The following LRMDA variants were observed in gnomAD, a reference collection of about 807,000 sequenced individuals.
LRMDA encodes leucine rich melanocyte differentiation associated.
A neutral mutation model predicts 29.8 loss-of-function variants in LRMDA; 18 were observed. That is an observed-to-expected ratio of 0.60 (90% CI 0.42 to 0.90). LRMDA has a LOEUF of 0.90. Ranked by LOEUF, LRMDA falls within the 40% of genes least tolerant of loss-of-function variation. The pLI, the probability that LRMDA is intolerant of heterozygous loss-of-function variation, is 0.00. For synonymous variants in LRMDA, 125 were observed against 109.4 expected, an observed-to-expected ratio of 1.14 and a Z score of -0.89; for missense variants, 273 against 273.9, an observed-to-expected ratio of 1.00 and a Z score of 0.02.
chr10:76,467,968 C>T (rs180852251), intron 6 of LRMDA, among the ~76,000 whole-genome samples: 15 of 152,270 alleles, frequency 9.9e-5, no homozygotes, highest in Admixed American at 7.9e-4. Flanking sequence ...TGATTCAGAG[C>T]GTTTACATAA....
At chr10:75,431,804 A>T in intron 1 of LRMDA, 50 bp downstream of exon 1, 6 of 1,310,508 alleles carry the variant, frequency 4.6e-6, no homozygotes, top group Non-Finnish European at 5.8e-6. Context: ...CCGCGTGGGG[A>T]GGGACAGCGG....
intron 1 of LRMDA, among the ~76,000 whole-genome samples, chr10:75,433,542 TTTTGTTTG>T (rs556877972): frequency 1.1e-4 from 16 of 152,180 alleles, no homozygotes; most frequent in East Asian, 5.8e-4. Flanking sequence ...GAGGTGGTTT[TTTTGTTTG>T]TTTGTTTGTT....
At position 76,211,470 on chromosome 10, in the gene LRMDA, A is replaced by G. The variant is rs150597497; in HGVS notation, c.517-112931A>G. On this transcript the variant is annotated intron_variant, in intron 5 of 6. Coordinates refer to ENST00000611255, the MANE Select transcript of LRMDA (RefSeq NM_001305581.2). ...CTCAAGAAGTCTTACTACACATCCA[A>G]TAGCATTTGACAGGGAGTTAGCCAC... 2.0e-4 allele frequency among the ~76,000 whole-genome samples: 30 copies of G among 152,346 alleles called. 1 individual carries two copies. The highest frequency in any genetic ancestry group is 7.0e-4 in the African/African-American group (29 of 41,580).
At chr10:76,543,127 A>G (rs1843377334) in intron 6 of LRMDA, among the ~76,000 whole-genome samples, 1 of 152,142 alleles carries the variant, frequency 6.6e-6, no homozygotes, top group Non-Finnish European at 1.5e-5. Flanking sequence ...TAAAATGCCA[A>G]TAGCAAGGAA....
intron 2 of LRMDA, among the ~76,000 whole-genome samples, chr10:75,892,632 G>C (rs1022399932): frequency 6.6e-6 from 1 of 152,114 alleles, no homozygotes. Flanking sequence ...GCTATGGAAG[G>C]ATGGTAATAG....
chr10:76,019,131 C>T (rs996747149), intron 2 of LRMDA, among the ~76,000 whole-genome samples: 1 of 152,034 alleles, frequency 6.6e-6, no homozygotes, highest in Non-Finnish European at 1.5e-5. Context: ...GTCATCTTAC[C>T]CTCGGGCCGG....
intron 2 of LRMDA, among the ~76,000 whole-genome samples, chr10:75,675,290 T>A (rs1318327622): frequency 6.6e-6 from 1 of 152,230 alleles, no homozygotes; most frequent in Non-Finnish European, 1.5e-5. Flanking sequence ...TTCTCTGTTG[T>A]GAGGTGTTGC....
chr10:75,618,392 A>C lies in LRMDA; in HGVS notation c.131+179898A>C, dbSNP rs999387029. 7.5e-3 allele frequency among the ~76,000 whole-genome samples: 1,072 copies of C among 142,752 alleles called. 9 individuals carry two copies. Among genetic ancestry groups the C allele is most frequent in the African/African-American group, 0.026 (1,017 of 39,036 alleles). 93.7% of individuals were successfully genotyped at this position (142,752 alleles called of 152,430 possible). ...TCTCTCTCTCTCTCTCTATATATAT[A>C]TATATATATATATATCAGACTATAT... On this transcript the variant is annotated intron_variant, in intron 2 of 6. Coordinates refer to ENST00000611255, the MANE Select transcript of LRMDA (RefSeq NM_001305581.2).
At chr10:75,710,923 A>C (rs1842428064) in intron 2 of LRMDA, among the ~76,000 whole-genome samples, 1 of 152,246 alleles carries the variant, frequency 6.6e-6, no homozygotes, top group Non-Finnish European at 1.5e-5. Context: ...ATCTGAGTGA[A>C]TGCTTAGTCC....
At chr10:76,030,329 GTATA>G (rs1589295219) in intron 2 of LRMDA, among the ~76,000 whole-genome samples, 1 of 151,960 alleles carries the variant, frequency 6.6e-6, no homozygotes, top group East Asian at 1.9e-4. Context: ...TCTACATACT[GTATA>G]TAGTAATATA....
intron 5 of LRMDA, among the ~76,000 whole-genome samples, chr10:76,112,124 C>T (rs1198963337): frequency 2.0e-5 from 3 of 152,148 alleles, no homozygotes; most frequent in East Asian, 3.9e-4. Context: ...CATGAGCGAG[C>T]AAGGGAGCAG....
At chr10:76,296,181 G>T (rs1257564030) in intron 5 of LRMDA, among the ~76,000 whole-genome samples, 2 of 152,190 alleles carry the variant, frequency 1.3e-5, no homozygotes, top group Non-Finnish European at 2.9e-5. Context: ...GTATCTAAAG[G>T]ATAGGGCATC....
At chr10:75,888,110 T>C (rs1845420944) in intron 2 of LRMDA, among the ~76,000 whole-genome samples, 1 of 152,204 alleles carries the variant, frequency 6.6e-6, no homozygotes, top group Non-Finnish European at 1.5e-5. Context: ...ACACTTTTAG[T>C]TCACTCCTGT....
chr10:75,731,268 C>T (rs1842693469), intron 2 of LRMDA, among the ~76,000 whole-genome samples: 1 of 152,230 alleles, frequency 6.6e-6, no homozygotes, highest in Non-Finnish European at 1.5e-5. Flanking sequence ...TCAAGGACAA[C>T]ACCTGCCTTT....
chr10:75,990,154 C>T (rs970847147), intron 2 of LRMDA, among the ~76,000 whole-genome samples: 26 of 152,168 alleles, frequency 1.7e-4, no homozygotes, highest in African/African-American at 4.1e-4. Flanking sequence ...TTTGATTTAT[C>T]GGGGAGAGGT....
intron 2 of LRMDA, among the ~76,000 whole-genome samples, chr10:75,769,853 C>T (rs1843216619): frequency 6.6e-6 from 1 of 152,136 alleles, no homozygotes; most frequent in Admixed American, 6.5e-5. Context: ...CATGGTGGCA[C>T]ATGTCTGTAA....
At chr10:76,203,948 T>TACC (rs746847160) in intron 5 of LRMDA, among the ~76,000 whole-genome samples, 116 of 125,548 alleles carry the variant, frequency 9.2e-4, no homozygotes, top group Admixed American at 2.4e-3. Context: ...TGTGCCCATC[T>TACC]ACCCATCTCT....
intron 5 of LRMDA, among the ~76,000 whole-genome samples, chr10:76,213,842 A>T (rs1361141451): frequency 6.6e-6 from 1 of 152,022 alleles, no homozygotes; most frequent in Non-Finnish European, 1.5e-5. Context: ...GCTCCAGCTG[A>T]CAGGAACAAT....
chr10:76,365,105 T>TAC lies in LRMDA; in HGVS notation c.601+40621_601+40622insCA, dbSNP rs1446679435. 1.9e-3 allele frequency among the ~76,000 whole-genome samples: 28 copies of TAC among 14,396 alleles called. 3 individuals carry two copies. Among genetic ancestry groups the TAC allele is most frequent in the Non-Finnish European group, 3.9e-3 (14 of 3,588 alleles). The allele number at this position is 14,396 out of a possible 152,430, so 9.4% of individuals were successfully genotyped here. On this transcript the variant is annotated intron_variant, in intron 6 of 6. Transcript: ENST00000611255. ...ACACACATATATATATATATATATA[T>TAC]ATACACACACACACATACACACCAC...
Sources: allele counts gnomAD v4.1 joint callset (sites outside exome capture counted in the v4.1 genomes callset), GRCh38; gene constraint gnomAD v4.1.1; transcripts MANE v1.5; gene names NCBI Gene and HGNC (gene_info 2026-07-23, HGNC 2026-07-21).